The following MAGI1 variants were observed in gnomAD, a reference collection of about 807,000 sequenced individuals.
MAGI1 encodes the protein membrane associated guanylate kinase, WW and PDZ domain containing 1, also known as membrane-associated guanylate kinase, WW and PDZ domain-containing protein 1.
A neutral mutation model predicts 139.9 loss-of-function variants in MAGI1; 58 were observed. That is an observed-to-expected ratio of 0.41 (90% CI 0.34 to 0.52). The LOEUF (loss-of-function observed/expected upper bound fraction) is 0.52, where lower values mean the gene tolerates loss of function less well. Ranked by LOEUF, MAGI1 falls within the 20% of genes least tolerant of loss-of-function variation. The pLI is 0.12. For missense variants in MAGI1, 1,874 were observed against 1,901.6 expected, an observed-to-expected ratio of 0.99 and a Z score of 0.27; for synonymous variants, 812 against 737.9, an observed-to-expected ratio of 1.10 and a Z score of -1.63.
intron 13 of MAGI1, among the ~76,000 whole-genome samples, chr3:65,397,109 C>T (rs1264497446): frequency 1.3e-5 from 2 of 152,178 alleles, no homozygotes; most frequent in Non-Finnish European, 1.5e-5. Context: ...ATCTACTACT[C>T]TCACTGTTTC....
chr3:65,664,270 C>T (rs752953188), intron 1 of MAGI1, among the ~76,000 whole-genome samples: 20 of 152,118 alleles, frequency 1.3e-4, no homozygotes, highest in Non-Finnish European at 2.4e-4. Flanking sequence ...ACTTGCATAA[C>T]GTGGCCCAGG....
chr3:65,752,290 T>A (rs2036219414), intron 1 of MAGI1, among the ~76,000 whole-genome samples: 1 of 152,200 alleles, frequency 6.6e-6, no homozygotes, highest in South Asian at 2.1e-4. Flanking sequence ...TCAGCCTCTG[T>A]TGTTTACTTT....
Position 65,742,288 on chromosome 3 carries a change from A to G in MAGI1, c.314-120200T>C, listed in dbSNP as rs559272577. On this transcript the variant is annotated intron_variant, in intron 1 of 22. Transcript: ENST00000402939. ...ACATCATTATTTCATTAATTTTAAGAAAAAAATTCTTAGAACTCCTGCGCC... is the reference window on the plus strand; with the variant it reads ...ACATCATTATTTCATTAATTTTAAGGAAAAAATTCTTAGAACTCCTGCGCC... Among the ~76,000 whole-genome samples the G allele has an allele frequency of 1.1e-4, 16 of 152,276 alleles. 1 individual carries two copies. Among genetic ancestry groups the G allele is most frequent in the African/African-American group, 3.6e-4 (15 of 41,580 alleles).
At chr3:65,416,865 A>C (rs2107242387) in intron 12 of MAGI1, among the ~76,000 whole-genome samples, 1 of 152,322 alleles carries the variant, frequency 6.6e-6, no homozygotes, top group East Asian at 1.9e-4. Flanking sequence ...ATATTTAAGC[A>C]GAAATACAAA....
chr3:65,996,098 T>C (rs373497784), intron 1 of MAGI1, among the ~76,000 whole-genome samples: 9 of 152,308 alleles, frequency 5.9e-5, no homozygotes, highest in East Asian at 3.9e-4. Flanking sequence ...TAAATTGGAA[T>C]CTACGACCCA....
intron 1 of MAGI1, among the ~76,000 whole-genome samples, chr3:65,815,214 C>T (rs529549895): frequency 2.1e-4 from 32 of 152,318 alleles, no homozygotes; most frequent in Middle Eastern, 3.4e-3. Flanking sequence ...TCTGACAATT[C>T]TGGGGCCCAT....
At chr3:65,473,327 GA>G (rs1467795725) in intron 4 of MAGI1, among the ~76,000 whole-genome samples, 1 of 152,038 alleles carries the variant, frequency 6.6e-6, no homozygotes, top group Non-Finnish European at 1.5e-5. Flanking sequence ...CATATTTCTC[GA>G]TCTGTAAAAT....
At chr3:65,773,561 G>T (rs1040652279) in intron 1 of MAGI1, among the ~76,000 whole-genome samples, 1 of 151,900 alleles carries the variant, frequency 6.6e-6, no homozygotes, top group Non-Finnish European at 1.5e-5. Flanking sequence ...AGTGGGGGTG[G>T]GATCACTGGT....
intron 1 of MAGI1, among the ~76,000 whole-genome samples, chr3:65,980,553 A>G (rs1287991736): frequency 7.5e-6 from 1 of 132,504 alleles, no homozygotes; most frequent in Non-Finnish European, 1.6e-5. Flanking sequence ...CAAGAGACTG[A>G]GACTCCATCT....
chr3:65,909,450 G>C (rs926953769), intron 1 of MAGI1, among the ~76,000 whole-genome samples: 1 of 152,178 alleles, frequency 6.6e-6, no homozygotes, highest in Non-Finnish European at 1.5e-5. Flanking sequence ...GGGAGGACTG[G>C]CTTGAGCCTG....
At chr3:65,497,852 T>C (rs62255280) in intron 2 of MAGI1, among the ~76,000 whole-genome samples, 16,606 of 152,150 alleles carry the variant, frequency 0.11, 1,192 homozygotes, top group Middle Eastern at 0.15. Flanking sequence ...TGTAAATAAA[T>C]ATGCTTAGGA....
chr3:65,385,907 TA>T (rs1474121324), intron 14 of MAGI1, among the ~76,000 whole-genome samples: 1 of 152,162 alleles, frequency 6.6e-6, no homozygotes, highest in Non-Finnish European at 1.5e-5. Context: ...AACAACAAAT[TA>T]AATCAAGTTG....
intron 2 of MAGI1, among the ~76,000 whole-genome samples, chr3:65,511,704 T>A (rs2077604346): frequency 6.7e-6 from 1 of 149,840 alleles, no homozygotes; most frequent in African/African-American, 2.5e-5. Context: ...ATATTAATAA[T>A]GGGAGACTTT....
chr3:65,489,470 C>T (rs1302299463), intron 3 of MAGI1, among the ~76,000 whole-genome samples: 1 of 152,024 alleles, frequency 6.6e-6, no homozygotes, highest in Non-Finnish European at 1.5e-5. Context: ...ATACTTGAAG[C>T]ACTGTTTATA....
intron 1 of MAGI1, among the ~76,000 whole-genome samples, chr3:65,850,573 T>C (rs1231675036): frequency 2.0e-5 from 3 of 152,188 alleles, no homozygotes; most frequent in Non-Finnish European, 4.4e-5. Flanking sequence ...TAGAATACGA[T>C]ATAAACTCTG....
Position 66,015,754 on chromosome 3 carries a change from G to A in MAGI1, c.313+22242C>T, listed in dbSNP as rs1426820597. Among the ~76,000 whole-genome samples, 3 of 152,202 alleles carry A rather than the reference G, an allele frequency of 2.0e-5. No individual in the cohort carries two copies. In the South Asian group the frequency reaches 6.2e-4, roughly 32 times the overall value. Reference sequence around the variant, plus strand: ...GGAATAATCAACAGAAAGAAAAATTGACCAAACCAGGAAACTACCCTGACA... The same window carrying A: ...GGAATAATCAACAGAAAGAAAAATTAACCAAACCAGGAAACTACCCTGACA... On this transcript the variant is annotated intron_variant, in intron 1 of 22. Coordinates refer to ENST00000402939, the MANE Select transcript of MAGI1 (RefSeq NM_001033057.2).
intron 1 of MAGI1, among the ~76,000 whole-genome samples, chr3:65,661,745 G>GTTTTTTTTTT (rs11369893): frequency 4.6e-4 from 43 of 93,916 alleles, no homozygotes; most frequent in African/African-American, 1.1e-3. Flanking sequence ...GTTTTTTTCT[G>GTTTTTTTTTT]TTTTTTTTTT....
chr3:65,624,342 T>A (rs996761279), intron 1 of MAGI1, among the ~76,000 whole-genome samples: 1 of 152,150 alleles, frequency 6.6e-6, no homozygotes, highest in Admixed American at 6.5e-5. Context: ...CAACTTTACT[T>A]ACAAATAGCC....
intron 1 of MAGI1, among the ~76,000 whole-genome samples, chr3:65,983,140 A>G (rs2065677047): frequency 6.6e-6 from 1 of 152,150 alleles, no homozygotes; most frequent in Non-Finnish European, 1.5e-5. Flanking sequence ...TGGGAAAATG[A>G]ATATTTTAAT....
Sources: gnomAD v4.1 joint callset for allele counts (sites outside exome capture counted in the v4.1 genomes callset) on GRCh38, gnomAD v4.1.1 for gene constraint, MANE v1.5 for transcripts, NCBI Gene and HGNC (gene_info 2026-07-23, HGNC 2026-07-21) for gene names.